The following CFAP74 variants were observed in gnomAD, a reference collection of about 807,000 sequenced individuals.
CFAP74 encodes the protein cilia- and flagella-associated protein 74.
A neutral mutation model predicts 188.9 loss-of-function variants in CFAP74; 124 were observed. That is an observed-to-expected ratio of 0.66 (90% CI 0.57 to 0.76). The LOEUF is 0.76. Among genes scored for constraint, CFAP74 ranks in the 30% least tolerant of loss-of-function variants. The pLI is 0.00. For synonymous variants in CFAP74, 956 were observed against 916.7 expected (o/e 1.04, Z -0.77); for missense variants, 2,198 against 2,165.2 (o/e 1.02, Z -0.30).
At chr1:1,969,194 T>TGCCCAGCCCA (rs1156429473) in intron 10 of CFAP74, among the ~76,000 whole-genome samples, 1 of 43,602 alleles carries the variant, frequency 2.3e-5, no homozygotes, top group Non-Finnish European at 4.6e-5. Context: ...TGCCCAGCCC[T>TGCCCAGCCCA]GCCCAGCCCA....
chr1:1,923,297 G>A lies in CFAP74; in HGVS notation c.4522+70C>T, dbSNP rs1042759225. ...TCCCTGCCCTGCTCCGCTGGGTCTCGGGGCCCCCATCCACGGGACAGGGGC... is the reference window on the plus strand; with the variant it reads ...TCCCTGCCCTGCTCCGCTGGGTCTCAGGGCCCCCATCCACGGGACAGGGGC... On this transcript the variant is annotated intron_variant, in intron 36 of 38. Transcript: ENST00000682832. The surrounding 1 kb of genome is among the most constrained non-coding windows in gnomAD (Gnocchi z 6.3). 3.4e-5 allele frequency: 51 copies of A among 1,513,632 alleles called. No individual in the cohort carries two copies. The East Asian group carries it at 6.7e-4, about 20-fold the overall frequency. The allele number at this position is 1,513,632 out of a possible 1,614,324, so 93.8% of individuals were successfully genotyped here.
chr1:1,946,907 TG>T, intron 19 of CFAP74, 82 bp downstream of exon 19: 1 of 1,086,554 alleles, frequency 9.2e-7, no homozygotes, highest in Non-Finnish European at 1.4e-6. Context: ...TGAGGGCCAG[TG>T]GGTTGGGGTG....
chr1:1,925,661 C>T (rs1247179619), intron 33 of CFAP74, 122 bp downstream of exon 33: 14 of 1,045,888 alleles, frequency 1.3e-5, no homozygotes, highest in South Asian at 4.9e-5. Context: ...GTAGAGGGGG[C>T]CACCTGTGTC....
rs189726427 is a variant in CFAP74, at chr1:1,993,581, C to T, written c.-19-2606G>A. ...AACTAGAGGCGTGAGCCACCGTGCC[C>T]GGCCGGTGGCTGTTTTCTATTAGAC... On this transcript the variant is annotated intron_variant, in intron 1 of 38. Coordinates refer to ENST00000682832, the MANE Select transcript of CFAP74 (RefSeq NM_001304360.2). 2.5e-3 allele frequency among the ~76,000 whole-genome samples: 382 copies of T among 151,838 alleles called. 2 individuals are homozygous for T. Among genetic ancestry groups the T allele is most frequent in the African/African-American group, 8.3e-3 (344 of 41,408 alleles).
At chr1:1,939,489 C>T (rs2102044814) in intron 24 of CFAP74, 105 bp downstream of exon 24, 1 of 1,156,976 alleles carries the variant, frequency 8.6e-7, no homozygotes, top group Non-Finnish European at 1.2e-6. Context: ...GGAAGTTGGG[C>T]CACATGCCCA....
At chr1:1,964,286 C>A (rs992943409) in intron 13 of CFAP74, among the ~76,000 whole-genome samples, 60 of 152,228 alleles carry the variant, frequency 3.9e-4, no homozygotes, top group African/African-American at 1.3e-3. Flanking sequence ...CATGTTCCCA[C>A]CCTGTCCCTG....
rs541713923 is a variant in CFAP74 at position 1,938,189 on chromosome 1, ACATT to A, written c.3011+662_3011+665del. Reference sequence around the variant, plus strand: ...CTTACACACCCACATACAAGCACTCACATTCAGTCACATGCTCACACATACATGC... The same window carrying A: ...CTTACACACCCACATACAAGCACTCACAGTCACATGCTCACACATACATGC... On this transcript the variant is annotated intron_variant, in intron 25 of 38. Transcript: ENST00000682832. 6.2e-3 allele frequency among the ~76,000 whole-genome samples: 932 copies of A among 149,906 alleles called. 12 individuals are homozygous for A. The highest frequency in any genetic ancestry group is 0.022 in the African/African-American group (867 of 40,270).
chr1:1,968,441 T>C lies in CFAP74; in HGVS notation c.1245+194A>G, dbSNP rs1197348005. Among the ~76,000 whole-genome samples the C allele has an allele frequency of 6.6e-6, 1 of 151,686 alleles. No individual in the cohort carries two copies. The highest frequency in any genetic ancestry group is 1.5e-5 in the Non-Finnish European group (1 of 67,926). Reference sequence around the variant, plus strand: ...ATGCTGCGGCCATGGGCCTCTCTCATGTGGTGGGTCCGTAGTGTGTCTTGT... The same window carrying C: ...ATGCTGCGGCCATGGGCCTCTCTCACGTGGTGGGTCCGTAGTGTGTCTTGT... On this transcript the variant is annotated intron_variant, in intron 11 of 38. Transcript: ENST00000682832. The surrounding 1 kb of genome is among the most constrained non-coding windows in gnomAD (Gnocchi z 4.3).
chr1:1,988,281 G>A (rs1324789052), intron 4 of CFAP74: 27 of 641,882 alleles, frequency 4.2e-5, no homozygotes, highest in Non-Finnish European at 7.4e-5. Context: ...GGGTGGCGCT[G>A]GGGGCAGCGG....
intron 1 of CFAP74, among the ~76,000 whole-genome samples, chr1:1,993,798 C>T (rs141769297): frequency 9.5e-4 from 143 of 151,220 alleles, no homozygotes; most frequent in Admixed American, 2.0e-3. Flanking sequence ...CTGGCTAACA[C>T]AATGAAACCC....
rs778301929 is a variant in CFAP74, at chr1:1,922,639, C to T, written c.4768G>A (p.Gly1590Ser). ...GAGATGCTGATGGTCTTCGTCTGGC[C>T]GCGCTCCACGGAGCCCCTGGAGGGC... The part of the protein sequence containing the change: ...IEPSRGSVER[G>S]QTKTISISWV... Residue 1590 changes from glycine to serine, a missense_variant, in exon 38 of 39, where the codon GGC becomes AGC. Transcript: ENST00000682832. 198 of 1,604,232 alleles carry T rather than the reference C, an allele frequency of 1.2e-4. No individual in the cohort carries two copies. The Admixed American group carries it at 2.5e-3, about 20-fold the overall frequency.
At chr1:1,979,657 GCTGAGC>G (rs1656698384) in intron 6 of CFAP74, among the ~76,000 whole-genome samples, 2 of 78,102 alleles carry the variant, frequency 2.6e-5, no homozygotes, top group African/African-American at 4.6e-5. Context: ...CGTGTGTCGT[GCTGAGC>G]TGGGCGTGGG....
chr1:1,988,130 G>A (rs1657355789), intron 4 of CFAP74: 1 of 478,420 alleles, frequency 2.1e-6, no homozygotes, highest in Non-Finnish European at 4.3e-6. Context: ...GTTTTTAGGA[G>A]ACGCTGAAAT....
intron 6 of CFAP74, among the ~76,000 whole-genome samples, chr1:1,977,954 C>A: frequency 6.6e-6 from 1 of 152,328 alleles, no homozygotes; most frequent in Middle Eastern, 3.4e-3. Flanking sequence ...ATCAATCCTC[C>A]CACCTCAGCC....
intron 6 of CFAP74, among the ~76,000 whole-genome samples, chr1:1,977,066 T>C (rs922386293): frequency 6.6e-6 from 1 of 152,022 alleles, no homozygotes; most frequent in Admixed American, 6.5e-5. Context: ...GCCAGGATGG[T>C]CTCAATCTCC....
At chr1:1,959,039 C>G (rs1654871479) in intron 16 of CFAP74, 81 bp downstream of exon 16, 1 of 976,320 alleles carries the variant, frequency 1.0e-6, no homozygotes, top group Non-Finnish European at 1.6e-6. Context: ...CCTGCACCCC[C>G]TCCCAGGAGA....
chr1:1,993,467 G>A (rs2102113592), intron 1 of CFAP74, among the ~76,000 whole-genome samples: 1 of 151,500 alleles, frequency 6.6e-6, no homozygotes, highest in Middle Eastern at 3.4e-3. Context: ...TGTATTTTCT[G>A]TAGAGACAGG....
In CFAP74 at chr1:1,968,947, G is replaced by A. The variant is rs1655683908; in HGVS notation, c.1047-114C>T. On this transcript the variant is annotated intron_variant, in intron 10 of 38. Transcript: ENST00000682832. The surrounding 1 kb of genome is among the most constrained non-coding windows in gnomAD (Gnocchi z 4.3). ...GCGCCCTCCTGGGGGCTCCGGTCCT[G>A]CCCAGCAGCCCCAGGTGAGACAGCG... 1.9e-6 allele frequency: 1 copy of A among 525,508 alleles called. No homozygotes were observed. The highest frequency in any genetic ancestry group is 3.0e-6 in the Non-Finnish European group (1 of 330,668). The allele number at this position is 525,508 out of a possible 1,614,324, so 32.6% of individuals were successfully genotyped here. A position where few individuals can be genotyped will look rare whatever the true frequency, so the allele number is the denominator to read the frequency against.
Position 1,967,499 on chromosome 1 carries a change from G to T in CFAP74, c.1246-973C>A, listed in dbSNP as rs13303138. 2.5e-4 allele frequency among the ~76,000 whole-genome samples: 38 copies of T among 151,146 alleles called. 1 individual carries two copies. Among genetic ancestry groups the T allele is most frequent in the Non-Finnish European group, 4.3e-4 (29 of 67,886 alleles). ...GGAGGCGCAGCAGGGTGCTCCTGGC[G>T]GAGGGATCGGCGGGTGCAAAGGCCC... On this transcript the variant is annotated intron_variant, in intron 11 of 38. Transcript: ENST00000682832.
Sources: allele counts gnomAD v4.1 joint callset (sites outside exome capture counted in the v4.1 genomes callset), GRCh38; gene constraint gnomAD v4.1.1; non-coding constraint Gnocchi (gnomAD v3.1); transcripts MANE v1.5; gene names NCBI Gene and HGNC (gene_info 2026-07-23, HGNC 2026-07-21).